TNRC6B: variants seen among roughly 807,000 people sequenced by gnomAD.
TNRC6B encodes trinucleotide repeat containing adaptor 6B.
TNRC6B carries 52 observed loss-of-function variants against 203.6 expected under a neutral mutation model. That is an observed-to-expected ratio of 0.26 (90% CI 0.20 to 0.32). TNRC6B has a LOEUF of 0.32. TNRC6B is among the 10% of genes least tolerant of loss of function. The probability of loss-of-function intolerance (pLI) is 1.00; values close to 1 mark genes in which losing one functional copy is unlikely to be tolerated. For missense variants in TNRC6B, 1,923 were observed against 2,286.2 expected, an observed-to-expected ratio of 0.84 and a Z score of 3.24; for synonymous variants, 838 against 845.7, an observed-to-expected ratio of 0.99 and a Z score of 0.16.
intron 1 of TNRC6B, among the ~76,000 whole-genome samples, chr22:40,067,255 G>A (rs982823705): frequency 5.9e-5 from 9 of 152,048 alleles, no homozygotes; most frequent in Non-Finnish European, 1.3e-4. Context: ...AGTTTATAAT[G>A]CCTTCGTAAG....
At chr22:40,275,170 C>CT (rs2070621829) in intron 7 of TNRC6B, among the ~76,000 whole-genome samples, 1 of 152,172 alleles carries the variant, frequency 6.6e-6, no homozygotes, top group Non-Finnish European at 1.5e-5. Flanking sequence ...TAAGCAGTCA[C>CT]TTACGGGTTT....
chr22:40,283,020 T>G (rs528117929), intron 11 of TNRC6B, among the ~76,000 whole-genome samples: 1 of 150,582 alleles, frequency 6.6e-6, no homozygotes, highest in East Asian at 1.9e-4. Flanking sequence ...TATTTTTCAT[T>G]TTTTATTTTT....
At chr22:40,213,778 T>TG (rs2069595470) in intron 1 of TNRC6B, among the ~76,000 whole-genome samples, 1 of 152,158 alleles carries the variant, frequency 6.6e-6, no homozygotes, top group South Asian at 2.1e-4. Flanking sequence ...TTTCTGCTTT[T>TG]GGGGGAAGTC....
intron 1 of TNRC6B, among the ~76,000 whole-genome samples, chr22:40,095,646 G>A (rs1310083890): frequency 6.6e-6 from 1 of 151,004 alleles, no homozygotes; most frequent in Non-Finnish European, 1.5e-5. Flanking sequence ...TGAGCCCACA[G>A]CCTAACATTA....
At chr22:40,045,600 C>T (rs182332733) in intron 1 of TNRC6B, 27 of 152,392 alleles carry the variant, frequency 1.8e-4, no homozygotes, top group African/African-American at 6.5e-4. Flanking sequence ...TGAATGCGTT[C>T]CACACCCCTC....
At chr22:40,312,181 T>A (rs2071194009) in intron 17 of TNRC6B, among the ~76,000 whole-genome samples, 1 of 152,230 alleles carries the variant, frequency 6.6e-6, no homozygotes, top group South Asian at 2.1e-4. Flanking sequence ...GGATGATTCT[T>A]GTGAACACCA....
At chr22:40,155,627 C>T (rs1018856691) in intron 3 of TNRC6B, among the ~76,000 whole-genome samples, 3 of 152,196 alleles carry the variant, frequency 2.0e-5, no homozygotes, top group African/African-American at 7.2e-5. Context: ...AGTTTTCCCT[C>T]CCACTAGGAG....
chr22:40,115,601 A>C (rs2068380129), intron 1 of TNRC6B, among the ~76,000 whole-genome samples: 1 of 152,170 alleles, frequency 6.6e-6, no homozygotes, highest in Admixed American at 6.5e-5. Context: ...GGTCCTTGCT[A>C]TCAAGGAGCT....
chr22:40,248,653 T>A (rs2070142188), intron 2 of TNRC6B, among the ~76,000 whole-genome samples: 2 of 152,214 alleles, frequency 1.3e-5, no homozygotes, highest in African/African-American at 4.8e-5. Context: ...GAGAATGTAG[T>A]TTATGTAGCT....
chr22:40,045,547 C>T (rs986125924), intron 1 of TNRC6B: 3 of 152,226 alleles, frequency 2.0e-5, no homozygotes, highest in African/African-American at 7.2e-5. Context: ...CCTCGGGTCC[C>T]TGCGCAGCGT....
intron 3 of TNRC6B, among the ~76,000 whole-genome samples, chr22:40,145,139 G>A (rs945797293): frequency 3.3e-5 from 5 of 151,384 alleles, no homozygotes; most frequent in African/African-American, 4.9e-5. Context: ...CCAGCTATTC[G>A]GGAGGCTAAG....
intron 1 of TNRC6B, among the ~76,000 whole-genome samples, chr22:40,080,208 G>T (rs1459347448): frequency 6.7e-6 from 1 of 148,408 alleles, no homozygotes; most frequent in Admixed American, 6.7e-5. Flanking sequence ...CTCCCAAAGT[G>T]CTGGGATTGC....
Position 40,315,321 on chromosome 22 carries a change from C to T in TNRC6B, c.4717C>T (p.Pro1573Ser). The change falls in exon 20 of 23, where the codon CCC becomes TCC. Residue 1573 changes from proline to serine, a missense_variant. Transcript: ENST00000454349. ...PDYKSTWSPD[P>S]IGHNPTHLSN... The stretch of plus-strand genomic sequence containing the variant: ...TTACAAATCAACATGGTCCCCAGAT[C>T]CCATAGGACACAACCCCACTCATCT... 6.2e-7 allele frequency: 1 copy of T among 1,613,984 alleles called. No homozygotes were observed. Among genetic ancestry groups the T allele is most frequent in the South Asian group, 1.1e-5 (1 of 91,076 alleles).
At chr22:40,136,619 G>A (rs534898139) in intron 3 of TNRC6B, among the ~76,000 whole-genome samples, 10 of 151,640 alleles carry the variant, frequency 6.6e-5, no homozygotes, top group African/African-American at 1.5e-4. Context: ...ATGTTGCCTA[G>A]GCTGGTGTTG....
At chr22:40,065,183 GT>G (rs1294160470) in intron 1 of TNRC6B, among the ~76,000 whole-genome samples, 1 of 152,044 alleles carries the variant, frequency 6.6e-6, no homozygotes, top group Non-Finnish European at 1.5e-5. Flanking sequence ...GAATTCCCCA[GT>G]GAGCTCTGTT....
chr22:40,239,290 G>C (rs918472815), intron 1 of TNRC6B, among the ~76,000 whole-genome samples: 1 of 152,206 alleles, frequency 6.6e-6, no homozygotes, highest in Non-Finnish European at 1.5e-5. Context: ...TAGTAGAAGA[G>C]AGCCAAGTCA....
At chr22:40,190,996 C>A (rs1322819030) in intron 1 of TNRC6B, among the ~76,000 whole-genome samples, 1 of 152,162 alleles carries the variant, frequency 6.6e-6, no homozygotes, top group Non-Finnish European at 1.5e-5. Context: ...ACCAGTAATG[C>A]AAACAGACAG....
chr22:40,249,938 C>CAT (rs1173956998), intron 2 of TNRC6B, among the ~76,000 whole-genome samples: 2 of 152,128 alleles, frequency 1.3e-5, no homozygotes, highest in African/African-American at 4.8e-5. Context: ...GTTCTACAGG[C>CAT]GGATCCTTTA....
chr22:40,316,364 A>AC (rs771742640), intron 21 of TNRC6B, among the ~76,000 whole-genome samples: 3 of 150,116 alleles, frequency 2.0e-5, no homozygotes, highest in Admixed American at 1.3e-4. Context: ...AAAAAAAAAA[A>AC]CAAAAAAAAA....
Sources: gnomAD v4.1 joint callset for allele counts (sites outside exome capture counted in the v4.1 genomes callset) on GRCh38, gnomAD v4.1.1 for gene constraint, MANE v1.5 for transcripts, NCBI Gene and HGNC (gene_info 2026-07-23, HGNC 2026-07-21) for gene names.